Variants in ADGRL3 observed in about 807,000 individuals in gnomAD.
ADGRL3 encodes adhesion G protein-coupled receptor L3, also known as calcium-independent alpha-latrotoxin receptor 3.
A neutral mutation model predicts 153.5 loss-of-function variants in ADGRL3; 62 were observed. That is an observed-to-expected ratio of 0.40 (90% CI 0.33 to 0.50). The LOEUF (loss-of-function observed/expected upper bound fraction) is 0.50, where lower values mean the gene tolerates loss of function less well. Among genes scored for constraint, ADGRL3 ranks in the 20% least tolerant of loss-of-function variants. The pLI, the probability that ADGRL3 is intolerant of heterozygous loss-of-function variation, is 0.47. For missense variants in ADGRL3, 1,641 were observed against 1,859.4 expected (o/e 0.88, Z 2.16); for synonymous variants, 710 against 672.5 (o/e 1.06, Z -0.86).
At chr4:61,258,112 T>A (rs1002595230) in intron 1 of ADGRL3, among the ~76,000 whole-genome samples, 2 of 152,170 alleles carry the variant, frequency 1.3e-5, no homozygotes, top group Admixed American at 6.5e-5. Context: ...ATACTGATTA[T>A]CACAAGAGAT....
chr4:61,766,088 A>G (rs1213283795), intron 8 of ADGRL3, among the ~76,000 whole-genome samples: 1 of 152,024 alleles, frequency 6.6e-6, no homozygotes, highest in Non-Finnish European at 1.5e-5. Context: ...AAAGAAAGAA[A>G]TTTGGGGAAA....
intron 3 of ADGRL3, among the ~76,000 whole-genome samples, chr4:61,500,911 C>T (rs2098380408): frequency 6.6e-6 from 1 of 152,168 alleles, no homozygotes; most frequent in African/African-American, 2.4e-5. Context: ...AAATCAAGGA[C>T]TTGGCTTTTG....
At chr4:61,789,849 A>T (rs1460466097) in intron 8 of ADGRL3, among the ~76,000 whole-genome samples, 1 of 152,340 alleles carries the variant, frequency 6.6e-6, no homozygotes, top group East Asian at 1.9e-4. Flanking sequence ...GAATAATCAA[A>T]ACTAGAATGG....
intron 5 of ADGRL3, among the ~76,000 whole-genome samples, chr4:61,610,980 C>T (rs1270415250): frequency 6.6e-6 from 1 of 152,026 alleles, no homozygotes; most frequent in Non-Finnish European, 1.5e-5. Context: ...TCTTTCCCCA[C>T]ACGAGACCAT....
chr4:61,493,589 C>T (rs975094624), intron 2 of ADGRL3, among the ~76,000 whole-genome samples: 1 of 152,118 alleles, frequency 6.6e-6, no homozygotes, highest in African/African-American at 2.4e-5. Flanking sequence ...TTCTCTCCTC[C>T]TCTGAAAAAT....
intron 21 of ADGRL3, among the ~76,000 whole-genome samples, chr4:61,998,572 T>G (rs1050895148): frequency 2.0e-5 from 3 of 151,940 alleles, no homozygotes; most frequent in African/African-American, 7.3e-5. Flanking sequence ...GTTATTCTTT[T>G]TTTTTTTTTT....
At chr4:61,408,336 T>C (rs1169548343) in intron 2 of ADGRL3, among the ~76,000 whole-genome samples, 2 of 152,072 alleles carry the variant, frequency 1.3e-5, no homozygotes, top group African/African-American at 4.8e-5. Context: ...GAGCCCCTGT[T>C]GGCCAGTGGG....
At chr4:61,613,894 C>T (rs145338904) in intron 5 of ADGRL3, among the ~76,000 whole-genome samples, 157 of 152,204 alleles carry the variant, frequency 1.0e-3, no homozygotes, top group African/African-American at 3.3e-3. Context: ...GATACTGCTG[C>T]GTGCAAGATT....
chr4:61,541,507 A>G (rs898089671), intron 4 of ADGRL3, among the ~76,000 whole-genome samples: 10 of 152,024 alleles, frequency 6.6e-5, no homozygotes, highest in Non-Finnish European at 1.3e-4. Flanking sequence ...CAACAGAAAG[A>G]ATTAGAAATG....
At position 61,947,138 on chromosome 4, in the gene ADGRL3, A is replaced by G. The variant is rs771903748; in HGVS notation, c.2628+16A>G. 2 of 1,585,912 alleles carry G rather than the reference A, an allele frequency of 1.3e-6. No homozygotes were observed. Among genetic ancestry groups the G allele is most frequent in the African/African-American group, 1.3e-5 (1 of 74,340 alleles). ...ACATATCAAGGTAAGAAAATGGCAT[A>G]TTAGCTTGGTTGTTCATATTATCTG... On this transcript the variant is annotated intron_variant, in intron 16 of 26. Transcript: ENST00000683033.
At chr4:61,506,925 T>A (rs2098434510) in intron 3 of ADGRL3, among the ~76,000 whole-genome samples, 1 of 152,068 alleles carries the variant, frequency 6.6e-6, no homozygotes, top group Non-Finnish European at 1.5e-5. Flanking sequence ...ATATGTAGGT[T>A]AAAAACGTAA....
chr4:61,719,690 C>T (rs1028534665), intron 6 of ADGRL3, among the ~76,000 whole-genome samples: 3 of 151,638 alleles, frequency 2.0e-5, no homozygotes, highest in Non-Finnish European at 4.4e-5. Context: ...CAACCTCCGC[C>T]TCCCAGATTC....
chr4:61,854,564 GGTGAGTAAATAC>G, intron 9 of ADGRL3, among the ~76,000 whole-genome samples: 1 of 152,070 alleles, frequency 6.6e-6, no homozygotes, highest in Non-Finnish European at 1.5e-5. Context: ...TAAATGCATG[GGTGAGTAAATAC>G]GTGAAGGAGA....
intron 9 of ADGRL3, among the ~76,000 whole-genome samples, chr4:61,831,152 G>T (rs1318452702): frequency 6.6e-6 from 1 of 151,270 alleles, no homozygotes; most frequent in East Asian, 2.0e-4. Context: ...GCCTCCCAAA[G>T]TGCTGGGATT....
intron 8 of ADGRL3, among the ~76,000 whole-genome samples, chr4:61,791,206 C>T (rs1220689509): frequency 6.6e-6 from 1 of 152,198 alleles, no homozygotes; most frequent in East Asian, 1.9e-4. Flanking sequence ...CAAGTCCCTT[C>T]CACCTATGAG....
chr4:61,908,277 G>T (rs4860442), intron 11 of ADGRL3, among the ~76,000 whole-genome samples: 41,356 of 151,758 alleles, frequency 0.27, 5,900 homozygotes, highest in East Asian at 0.45. Context: ...GTGACAGTGA[G>T]ACCCTGTCTT....
rs1350085442 is a variant in ADGRL3, at chr4:62,018,303, GCAGTAGGCATCT to G, written c.3396-10548_3396-10537del. 2.6e-5 allele frequency among the ~76,000 whole-genome samples: 4 copies of G among 152,104 alleles called. No individual in the cohort carries two copies. The East Asian group carries it at 7.7e-4, about 29-fold the overall frequency. On this transcript the variant is annotated intron_variant, in intron 21 of 26. Coordinates refer to ENST00000683033, the MANE Select transcript of ADGRL3 (RefSeq NM_001387552.1). Reference sequence around the variant, plus strand: ...TTGTGTTCTTACTAGAGTTTGCAGAGCAGTAGGCATCTCAGGATAACAGATTCTTATTGAGTA... The same window carrying G: ...TTGTGTTCTTACTAGAGTTTGCAGAGCAGGATAACAGATTCTTATTGAGTA...
chr4:61,497,548 C>T (rs1377976382), intron 3 of ADGRL3, among the ~76,000 whole-genome samples, 200 bp downstream of exon 3: 2 of 141,060 alleles, frequency 1.4e-5, no homozygotes, highest in East Asian at 4.2e-4. Context: ...CAGAGCCTCG[C>T]ACTGTCACCC....
intron 1 of ADGRL3, among the ~76,000 whole-genome samples, chr4:61,278,226 C>G (rs1332059452): frequency 6.6e-6 from 1 of 152,034 alleles, no homozygotes; most frequent in African/African-American, 2.4e-5. Flanking sequence ...AAAAGATTGT[C>G]CCTTTCATCT....
Sources: allele counts gnomAD v4.1 joint callset (sites outside exome capture counted in the v4.1 genomes callset), GRCh38; gene constraint gnomAD v4.1.1; transcripts MANE v1.5; gene names NCBI Gene and HGNC (gene_info 2026-07-23, HGNC 2026-07-21).